The following TIAM1 variants were observed in gnomAD, a reference collection of about 807,000 sequenced individuals.
TIAM1 encodes the protein TIAM Rac1 associated GEF 1.
Under a neutral mutation model 163.5 loss-of-function variants are expected in TIAM1, and 65 were observed. That is an observed-to-expected ratio of 0.40 (90% confidence interval 0.33 to 0.49). The LOEUF (loss-of-function observed/expected upper bound fraction) is 0.49, where lower values mean the gene tolerates loss of function less well. Among genes scored for constraint, TIAM1 ranks in the 20% least tolerant of loss-of-function variants. The probability of loss-of-function intolerance (pLI) is 0.77; values close to 1 mark genes in which losing one functional copy is unlikely to be tolerated. For synonymous variants in TIAM1, 833 were observed against 810.1 expected, an observed-to-expected ratio of 1.03 and a Z score of -0.48; for missense variants, 1,789 against 2,044.7, an observed-to-expected ratio of 0.87 and a Z score of 2.41.
At chr21:31,540,733 T>C (rs563722040) in intron 1 of TIAM1, among the ~76,000 whole-genome samples, 1 of 152,368 alleles carries the variant, frequency 6.6e-6, no homozygotes, top group South Asian at 2.1e-4. Flanking sequence ...TTTGTTTGTT[T>C]TTTTTGCTCT....
At position 31,443,706 on chromosome 21, in the gene TIAM1, A is replaced by G. The variant is rs570162422; in HGVS notation, c.-369+20277T>C. Among the ~76,000 whole-genome samples, 10 of 152,344 alleles carry G rather than the reference A, an allele frequency of 6.6e-5. No homozygotes were observed. The East Asian group carries it at 1.9e-3, about 29-fold the overall frequency. On this transcript the variant is annotated intron_variant, in intron 2 of 28. Coordinates refer to the TIAM1 transcript ENST00000286827. ...TGGTGAATCTCTTTTAGCTTCTGAAATATAATTTCTGATGTTTATTAGAGG... is the reference window on the plus strand; with the variant it reads ...TGGTGAATCTCTTTTAGCTTCTGAAGTATAATTTCTGATGTTTATTAGAGG...
At chr21:31,554,766 C>A (rs1184334781) in intron 1 of TIAM1, among the ~76,000 whole-genome samples, 1 of 152,178 alleles carries the variant, frequency 6.6e-6, no homozygotes, top group South Asian at 2.1e-4. Flanking sequence ...TCCAGGGCTC[C>A]GTGGTAGGAT....
intron 2 of TIAM1, among the ~76,000 whole-genome samples, chr21:31,359,964 A>G (rs2076382201): frequency 6.6e-6 from 1 of 152,184 alleles, no homozygotes; most frequent in Non-Finnish European, 1.5e-5. Context: ...TGCAAAAAAG[A>G]TACCAACCCA....
At chr21:31,162,539 C>T (rs1461429777) in intron 16 of TIAM1, among the ~76,000 whole-genome samples, 1 of 152,162 alleles carries the variant, frequency 6.6e-6, no homozygotes, top group Admixed American at 6.5e-5. Flanking sequence ...ACACAGTGCT[C>T]CCCACATCCA....
intron 9 of TIAM1, among the ~76,000 whole-genome samples, chr21:31,216,578 T>TG (rs1183302339): frequency 1.3e-5 from 2 of 152,166 alleles, no homozygotes; most frequent in Non-Finnish European, 2.9e-5. Context: ...CAACAGACAG[T>TG]GGGCTTCACG....
intron 1 of TIAM1, among the ~76,000 whole-genome samples, chr21:31,530,911 T>G (rs984564996): frequency 2.0e-5 from 3 of 152,024 alleles, no homozygotes; most frequent in Non-Finnish European, 2.9e-5. Flanking sequence ...ATTCCTAGTA[T>G]CAAGAACAAG....
chr21:31,402,716 G>A (rs1466271935), intron 2 of TIAM1, among the ~76,000 whole-genome samples: 1 of 151,940 alleles, frequency 6.6e-6, no homozygotes, highest in Admixed American at 6.6e-5. Context: ...TTGAGAGGCC[G>A]AGGCGGGGGT....
At chr21:31,557,763 C>T (rs1436036330) in intron 1 of TIAM1, among the ~76,000 whole-genome samples, 1 of 152,154 alleles carries the variant, frequency 6.6e-6, no homozygotes, top group Non-Finnish European at 1.5e-5. Flanking sequence ...TCAAGACCTG[C>T]CAGCGCGCGG....
chr21:31,267,031 A>C, intron 3 of TIAM1, 48 bp from the exon 4 acceptor site: 1 of 1,522,500 alleles, frequency 6.6e-7, no homozygotes, highest in Admixed American at 2.0e-5. Context: ...CTATTAGTAC[A>C]GGTATAGGCA....
intron 2 of TIAM1, among the ~76,000 whole-genome samples, chr21:31,311,060 T>C (rs2074906888): frequency 6.6e-6 from 1 of 152,138 alleles, no homozygotes; most frequent in African/African-American, 2.4e-5. Context: ...TCTCTCACGA[T>C]ATGTAAATAA....
intron 3 of TIAM1, among the ~76,000 whole-genome samples, chr21:31,268,753 T>G (rs2072913233): frequency 6.6e-6 from 1 of 152,210 alleles, no homozygotes; most frequent in Non-Finnish European, 1.5e-5. Context: ...TGCACAACCA[T>G]TTATATTATC....
At chr21:31,250,605 G>C (rs931835116) in intron 5 of TIAM1, among the ~76,000 whole-genome samples, 1 of 152,216 alleles carries the variant, frequency 6.6e-6, no homozygotes, top group Non-Finnish European at 1.5e-5. Flanking sequence ...GAACGGTCTA[G>C]TTTGATACTG....
intron 19 of TIAM1, among the ~76,000 whole-genome samples, chr21:31,151,916 T>C (rs1219539796): frequency 6.6e-6 from 1 of 152,072 alleles, no homozygotes; most frequent in Non-Finnish European, 1.5e-5. Context: ...AAGGACACCG[T>C]GTGCTGGAAG....
chr21:31,400,533 C>T (rs2077147487), intron 2 of TIAM1, among the ~76,000 whole-genome samples: 1 of 152,166 alleles, frequency 6.6e-6, no homozygotes, highest in Non-Finnish European at 1.5e-5. Flanking sequence ...ACTCCTATAT[C>T]CCAACTGCCT....
In TIAM1 at chr21:31,470,819, G is replaced by C. The variant is rs561725746; in HGVS notation, c.-421-6784C>G. On this transcript the variant is annotated intron_variant, in intron 1 of 28. Coordinates refer to the TIAM1 transcript ENST00000286827. ...CTCCCCAGGAGAAGAGAGAGGAACC[G>C]GCAGGTGGTGGGTACCCAGGTCAGC... 2.6e-5 allele frequency among the ~76,000 whole-genome samples: 4 copies of C among 152,282 alleles called. No individual in the cohort carries two copies. The East Asian group carries it at 7.7e-4, about 29-fold the overall frequency.
intron 15 of TIAM1, among the ~76,000 whole-genome samples, chr21:31,181,815 G>GCC (rs951988416): frequency 2.1e-5 from 2 of 95,892 alleles, no homozygotes; most frequent in African/African-American, 7.8e-5. Flanking sequence ...TACGAGACAG[G>GCC]CCTCTGTCTC....
chr21:31,151,816 A>G lies in TIAM1; in HGVS notation c.3366+820T>C, dbSNP rs535930577. ...GTGCTTTGTTAATTGGAGGTGCAAC[A>G]CAGGAAATCTGCAATAAAAGAAAGC... is the stretch of plus-strand genomic sequence containing the variant. On this transcript the variant is annotated intron_variant, in intron 19 of 27. Coordinates refer to ENST00000541036, the MANE Select transcript of TIAM1 (RefSeq NM_001353694.2). Among the ~76,000 whole-genome samples the G allele has an allele frequency of 3.3e-5, 5 of 152,264 alleles. No homozygotes were observed. The East Asian group carries it at 9.7e-4, about 30-fold the overall frequency.
intron 16 of TIAM1, among the ~76,000 whole-genome samples, chr21:31,164,067 C>T (rs1257175141): frequency 6.6e-6 from 1 of 152,118 alleles, no homozygotes; most frequent in Non-Finnish European, 1.5e-5. Context: ...CCATGGAACT[C>T]TTTATGAAGT....
intron 2 of TIAM1, among the ~76,000 whole-genome samples, chr21:31,303,767 C>T (rs993226920): frequency 2.0e-5 from 3 of 152,046 alleles, no homozygotes; most frequent in Admixed American, 6.5e-5. Context: ...CACCTGAGGT[C>T]AGGAGTTCGA....
Sources: gnomAD v4.1 joint callset for allele counts (sites outside exome capture counted in the v4.1 genomes callset) on GRCh38, gnomAD v4.1.1 for gene constraint, MANE v1.5 for transcripts, NCBI Gene and HGNC (gene_info 2026-07-23, HGNC 2026-07-21) for gene names.